Variants in GEMIN5 observed in about 807,000 individuals in gnomAD.
GEMIN5 encodes the protein gem-associated protein 5.
Under a neutral mutation model 176.9 loss-of-function variants are expected in GEMIN5, and 124 were observed. That is an observed-to-expected ratio of 0.70 (90% CI 0.61 to 0.81). GEMIN5 has a LOEUF of 0.81. Among genes scored for constraint, GEMIN5 ranks in the 40% least tolerant of loss-of-function variants. The pLI is 0.00. For synonymous variants in GEMIN5, 673 were observed against 665.2 expected, an observed-to-expected ratio of 1.01 and a Z score of -0.18; for missense variants, 1,843 against 1,814.6, an observed-to-expected ratio of 1.02 and a Z score of -0.28.
At chr5:154,935,056 C>T (rs1439763204) in intron 3 of GEMIN5, among the ~76,000 whole-genome samples, 1 of 152,188 alleles carries the variant, frequency 6.6e-6, no homozygotes, top group Non-Finnish European at 1.5e-5. Flanking sequence ...CAGCAATACC[C>T]CTGCATTTAT....
intron 11 of GEMIN5, among the ~76,000 whole-genome samples, chr5:154,919,369 C>T (rs1763875287): frequency 1.3e-5 from 2 of 152,128 alleles, no homozygotes; most frequent in South Asian, 4.1e-4. Flanking sequence ...GAAATCTCAA[C>T]ATTTAAGGTA....
intron 13 of GEMIN5, among the ~76,000 whole-genome samples, chr5:154,914,744 C>T (rs1218623430): frequency 6.6e-6 from 1 of 151,990 alleles, no homozygotes; most frequent in Non-Finnish European, 1.5e-5. Context: ...CACACGTAGC[C>T]TAAACTATTT....
At chr5:154,901,295 C>G in intron 21 of GEMIN5, 44 bp downstream of exon 21, 2 of 1,542,684 alleles carry the variant, frequency 1.3e-6, no homozygotes, top group Non-Finnish European at 8.9e-7. Flanking sequence ...AGGTTATTTT[C>G]ACATTATGTC....
intron 15 of GEMIN5, among the ~76,000 whole-genome samples, chr5:154,908,036 T>C (rs1763607863): frequency 6.6e-6 from 1 of 152,098 alleles, no homozygotes; most frequent in Non-Finnish European, 1.5e-5. Flanking sequence ...CCAAATATTT[T>C]AGTGTGTGTC....
At chr5:154,929,583 T>C (rs1235033403) in intron 5 of GEMIN5, among the ~76,000 whole-genome samples, 2 of 152,188 alleles carry the variant, frequency 1.3e-5, no homozygotes, top group Non-Finnish European at 1.5e-5. Flanking sequence ...AACCTACATT[T>C]TTCCAAAGAC....
At chr5:154,925,021 A>C (rs1411601938) in intron 8 of GEMIN5, among the ~76,000 whole-genome samples, 2 of 152,130 alleles carry the variant, frequency 1.3e-5, no homozygotes, top group South Asian at 4.1e-4. Flanking sequence ...AACAAAAAAA[A>C]CAAAGTCAAT....
At chr5:154,928,320 T>A (rs1254953913) in intron 6 of GEMIN5, among the ~76,000 whole-genome samples, 2 of 152,142 alleles carry the variant, frequency 1.3e-5, no homozygotes, top group Non-Finnish European at 2.9e-5. Context: ...GACTTCAGAG[T>A]CCATATTCCT....
rs1242899041 is a variant in GEMIN5 at position 154,895,021 on chromosome 5, G to A, written c.3597+1071C>T. Among the ~76,000 whole-genome samples the A allele has an allele frequency of 7.6e-5, 11 of 144,246 alleles. No homozygotes were observed. In the East Asian group the frequency reaches 2.2e-3, roughly 29 times the overall value. 94.6% of individuals were successfully genotyped at this position (144,246 alleles called of 152,430 possible). ...TTGAACCTGGGAGGCGGAGGTTGCA[G>A]TGAGCAGATATCATGCCACTGTACT... On this transcript the variant is annotated intron_variant, in intron 24 of 27. Coordinates refer to ENST00000285873, the MANE Select transcript of GEMIN5 (RefSeq NM_015465.5).
chr5:154,909,912 G>A (rs1356654017), intron 15 of GEMIN5, among the ~76,000 whole-genome samples: 2 of 151,858 alleles, frequency 1.3e-5, no homozygotes, highest in African/African-American at 4.8e-5. Flanking sequence ...CTGTGGGGCA[G>A]AGGTTGTAGT....
chr5:154,896,537 C>G (rs984516080), intron 23 of GEMIN5, among the ~76,000 whole-genome samples, 194 bp from the exon 24 acceptor site: 2 of 152,162 alleles, frequency 1.3e-5, no homozygotes, highest in Non-Finnish European at 2.9e-5. Flanking sequence ...CTTCCCAGGT[C>G]CCTTTTGGGG....
At chr5:154,901,309 G>T in intron 21 of GEMIN5, 30 bp downstream of exon 21, 1 of 1,591,462 alleles carries the variant, frequency 6.3e-7, no homozygotes, top group Non-Finnish European at 8.6e-7. Context: ...TTATGTCCAA[G>T]TATTATCCCA....
chr5:154,911,418 T>C (rs73278885), intron 15 of GEMIN5, among the ~76,000 whole-genome samples: 86 of 152,226 alleles, frequency 5.6e-4, no homozygotes, highest in African/African-American at 2.0e-3. Context: ...GAGGTCAAGG[T>C]GCGAGAATTG....
intron 7 of GEMIN5, among the ~76,000 whole-genome samples, chr5:154,926,846 C>A (rs1764048696): frequency 6.6e-6 from 1 of 152,150 alleles, no homozygotes; most frequent in Non-Finnish European, 1.5e-5. Context: ...GAGATCGAGG[C>A]CATCCTGGCC....
chr5:154,896,232 C>T lies in GEMIN5; in HGVS notation c.3457G>A (p.Glu1153Lys), dbSNP rs34185329. The change falls in exon 24 of 28, where the codon GAA (glutamate) becomes AAA (lysine). Residue 1153 changes from glutamate (E) to lysine (K), a missense_variant. Physicochemically the swap from Glu to Lys is moderately conservative, Grantham distance 56 (BLOSUM62 1). Coordinates refer to ENST00000285873, the MANE Select transcript of GEMIN5 (RefSeq NM_015465.5). ...GTCACCCTCTCCACGAAAGGCCCTT[C>T]GGTGCCCGTGTTCCAAGTGTGGTAA... ...SSYHTWNTGT[E>K]GPFVERVTAV... 5.6e-5 allele frequency: 91 copies of T among 1,613,804 alleles called. No individual in the cohort carries two copies. Among genetic ancestry groups the T allele is most frequent in the East Asian group, 4.9e-4 (22 of 44,844 alleles).
intron 16 of GEMIN5, 105 bp downstream of exon 16, chr5:154,907,486 G>T: frequency 2.9e-6 from 2 of 687,552 alleles, no homozygotes; most frequent in Non-Finnish European, 4.9e-6. Flanking sequence ...GTTTCCAAGA[G>T]TTGGAAAAAT....
chr5:154,925,538 T>C (rs950648926), intron 8 of GEMIN5, among the ~76,000 whole-genome samples: 6 of 152,238 alleles, frequency 3.9e-5, no homozygotes, highest in African/African-American at 9.6e-5. Context: ...AGAAGGAATC[T>C]ACATTATCAT....
At position 154,925,893 on chromosome 5, in the gene GEMIN5, A is replaced by T; in HGVS notation, c.1262T>A (p.Phe421Tyr). ...AACCTTGGACTTCACGCCTTGCCAA[A>T]AATTTTTCACATCATAGTTGTTCTT... ...SIKNNYDVKN[F>Y]WQGVKSKVTA... The change falls in exon 8 of 28, where the codon TTT becomes TAT. Residue 421 changes from phenylalanine to tyrosine, a missense_variant. By Grantham distance (22) the Phe-to-Tyr change is conservative. Coordinates refer to ENST00000285873, the MANE Select transcript of GEMIN5 (RefSeq NM_015465.5). 6.2e-7 allele frequency: 1 copy of T among 1,613,804 alleles called. No individual in the cohort carries two copies. Among genetic ancestry groups the T allele is most frequent in the Non-Finnish European group, 8.5e-7 (1 of 1,179,732 alleles).
chr5:154,931,666 G>GCTAT, intron 4 of GEMIN5, 89 bp from the exon 5 acceptor site: 1 of 1,056,362 alleles, frequency 9.5e-7, no homozygotes, highest in Non-Finnish European at 1.4e-6. Flanking sequence ...CCAAAACTTA[G>GCTAT]CTATCTCTTT....
rs1481917613 is a variant in GEMIN5, at chr5:154,938,157, A to G, written c.-24T>C. 2 of 1,351,080 alleles carry G rather than the reference A, an allele frequency of 1.5e-6. No individual in the cohort carries two copies. The highest frequency in any genetic ancestry group is 1.9e-6 in the Non-Finnish European group (2 of 1,044,600). The allele number at this position is 1,351,080 out of a possible 1,614,324, so 83.7% of individuals were successfully genotyped here. ...ATAACTACAAGCCGTCAGAGACAAG[A>G]GAAGCTGCCACAGCCGACCGCTCGT... is the stretch of plus-strand genomic sequence containing the variant. On this transcript the variant is annotated 5_prime_UTR_variant, in exon 1 of 28. Coordinates refer to ENST00000285873, the MANE Select transcript of GEMIN5 (RefSeq NM_015465.5).
Sources: gnomAD v4.1 joint callset for allele counts (sites outside exome capture counted in the v4.1 genomes callset) on GRCh38, gnomAD v4.1.1 for gene constraint, MANE v1.5 for transcripts, NCBI Gene and HGNC (gene_info 2026-07-23, HGNC 2026-07-21) for gene names.